CNIH3: variants seen among roughly 807,000 people sequenced by gnomAD.
CNIH3 encodes protein cornichon homolog 3.
CNIH3 carries 14 observed loss-of-function variants against 24.1 expected under a neutral mutation model. The observed-to-expected ratio is 0.58, with a 90% CI of 0.38 to 0.91. CNIH3 has a LOEUF of 0.91. Among genes scored for constraint, CNIH3 ranks in the 40% least tolerant of loss-of-function variants. The probability of loss-of-function intolerance (pLI) is 0.00; values close to 1 mark genes in which losing one functional copy is unlikely to be tolerated. For missense variants in CNIH3, 178 were observed against 196.8 expected (o/e 0.90, Z 0.57); for synonymous variants, 68 against 73.8 (o/e 0.92, Z 0.40).
In CNIH3 at chr1:224,616,611, C is replaced by T. The variant is rs1683006058; in HGVS notation, c.-564C>T. 7.1e-6 allele frequency: 7 copies of T among 987,094 alleles called. No homozygotes were observed. Among genetic ancestry groups the T allele is most frequent in the Non-Finnish European group, 8.4e-6 (7 of 831,144 alleles). The allele number at this position is 987,094 out of a possible 1,614,324, so 61.1% of individuals were successfully genotyped here. A position where few individuals can be genotyped will look rare whatever the true frequency, so the allele number is the denominator to read the frequency against. On this transcript the variant is annotated 5_prime_UTR_variant, in exon 1 of 6. Transcript: ENST00000272133. ...ACCTCCTCCCGGCTACCTAAAGACT[C>T]CTTCTCTCGGGAAAGAGCGCTGCCC...
At chr1:224,576,326 A>G (rs1681035955) in intron 4 of CNIH3, among the ~76,000 whole-genome samples, 1 of 152,244 alleles carries the variant, frequency 6.6e-6, no homozygotes, top group Non-Finnish European at 1.5e-5. Context: ...AAAGTTATAT[A>G]TGTACATAGT....
intron 1 of CNIH3, among the ~76,000 whole-genome samples, chr1:224,462,664 A>G (rs1430540335): frequency 1.8e-5 from 2 of 110,952 alleles, no homozygotes; most frequent in Non-Finnish European, 3.6e-5. Flanking sequence ...TTTTTGAGAT[A>G]GGGTCTCATT....
chr1:224,588,852 C>T (rs1346450642), downstream of CNIH3, among the ~76,000 whole-genome samples: 3 of 138,644 alleles, frequency 2.2e-5, no homozygotes, highest in Non-Finnish European at 4.6e-5. Flanking sequence ...ACCAGCTTCT[C>T]AGGCTTTGGA....
chr1:224,655,962 A>G (rs1219486831), intron 1 of CNIH3, among the ~76,000 whole-genome samples: 1 of 152,230 alleles, frequency 6.6e-6, no homozygotes, highest in Non-Finnish European at 1.5e-5. Flanking sequence ...TCCAATGGTC[A>G]GTTTCCTGAG....
intron 5 of CNIH3, among the ~76,000 whole-genome samples, chr1:224,737,766 C>T (rs145959896): frequency 2.0e-5 from 3 of 152,324 alleles, no homozygotes; most frequent in African/African-American, 7.2e-5. Flanking sequence ...TAATAATTAG[C>T]AACATCTGGC....
intron 4 of CNIH3, among the ~76,000 whole-genome samples, chr1:224,571,007 T>G (rs1208334788): frequency 6.6e-6 from 1 of 152,186 alleles, no homozygotes; most frequent in Non-Finnish European, 1.5e-5. Flanking sequence ...CATATACATA[T>G]GGGTCTGTTT....
At chr1:224,626,427 A>T (rs1683528375) in intron 1 of CNIH3, among the ~76,000 whole-genome samples, 1 of 152,234 alleles carries the variant, frequency 6.6e-6, no homozygotes. Context: ...AATATTTTTA[A>T]TTTGGCATAG....
chr1:224,655,405 A>G (rs1293747909), intron 1 of CNIH3, among the ~76,000 whole-genome samples: 2 of 152,140 alleles, frequency 1.3e-5, no homozygotes, highest in African/African-American at 2.4e-5. Context: ...AAGGGTGAAG[A>G]GGGATCTGGA....
intron 1 of CNIH3, among the ~76,000 whole-genome samples, chr1:224,666,753 T>C (rs1348437671): frequency 6.6e-6 from 1 of 152,228 alleles, no homozygotes; most frequent in African/African-American, 2.4e-5. Context: ...CACATTTGGT[T>C]TTGAGAACTT....
chr1:224,532,280 C>T (rs1237652372), intron 2 of CNIH3, among the ~76,000 whole-genome samples: 1 of 152,062 alleles, frequency 6.6e-6, no homozygotes, highest in African/African-American at 2.4e-5. Flanking sequence ...TGTCTGGAGC[C>T]AGGAGATGAG....
chr1:224,651,547 G>A (rs941078912), intron 1 of CNIH3, among the ~76,000 whole-genome samples: 5 of 152,070 alleles, frequency 3.3e-5, no homozygotes, highest in East Asian at 1.9e-4. Context: ...TTGTTTCTTC[G>A]TGTTCGTGTC....
At chr1:224,648,709 T>C (rs1684734799) in intron 1 of CNIH3, among the ~76,000 whole-genome samples, 1 of 152,174 alleles carries the variant, frequency 6.6e-6, no homozygotes, top group African/African-American at 2.4e-5. Context: ...GAAGATGGTG[T>C]AGACATAAGG....
At chr1:224,575,426 C>G in intron 4 of CNIH3, 5 of 949,892 alleles carry the variant, frequency 5.3e-6, no homozygotes, top group Non-Finnish European at 3.3e-6. Flanking sequence ...GTGACCTATA[C>G]CGTGTTTTCT....
chr1:224,576,822 A>C (rs1355802691), intron 4 of CNIH3, among the ~76,000 whole-genome samples: 1 of 152,202 alleles, frequency 6.6e-6, no homozygotes, highest in Admixed American at 6.5e-5. Context: ...TTCAAACTAT[A>C]CTACAAAACT....
chr1:224,443,732 G>T (rs1023580815), intron 1 of CNIH3, among the ~76,000 whole-genome samples: 10 of 150,640 alleles, frequency 6.6e-5, no homozygotes, highest in Non-Finnish European at 1.0e-4. Context: ...CTGCTTCTCT[G>T]AGAGTAGAGA....
intron 1 of CNIH3, among the ~76,000 whole-genome samples, chr1:224,498,605 G>A (rs981031093): frequency 1.3e-5 from 2 of 152,170 alleles, no homozygotes; most frequent in African/African-American, 4.8e-5. Flanking sequence ...TTCTACATGA[G>A]TTTACAAAAA....
intron 1 of CNIH3, among the ~76,000 whole-genome samples, chr1:224,623,762 C>G (rs796193486): frequency 8.5e-5 from 13 of 152,270 alleles, no homozygotes; most frequent in African/African-American, 3.1e-4. Context: ...ACTTCCTCCC[C>G]TCCTAGTTAT....
At chr1:224,736,373 G>T (rs906532707) in intron 5 of CNIH3, among the ~76,000 whole-genome samples, 2 of 152,130 alleles carry the variant, frequency 1.3e-5, no homozygotes, top group African/African-American at 2.4e-5. Context: ...TGATCTACCC[G>T]CCTCAGCCTC....
At chr1:224,448,287 C>T (rs1246988718) in intron 1 of CNIH3, among the ~76,000 whole-genome samples, 1 of 152,086 alleles carries the variant, frequency 6.6e-6, no homozygotes, top group African/African-American at 2.4e-5. Context: ...CCTCACAGAG[C>T]ATCTTGATAG....
Sources: gnomAD v4.1 joint callset for allele counts (sites outside exome capture counted in the v4.1 genomes callset) on GRCh38, gnomAD v4.1.1 for gene constraint, MANE v1.5 for transcripts, NCBI Gene and HGNC (gene_info 2026-07-23, HGNC 2026-07-21) for gene names.